The following ALPP variants were observed in gnomAD, a reference collection of about 807,000 sequenced individuals.
ALPP encodes alkaline phosphatase, placental, also known as alkaline phosphatase, placental type.
In ALPP, 39 loss-of-function variants were observed where a neutral mutation model predicts 50.7. That is an observed-to-expected ratio of 0.77 (90% confidence interval 0.60 to 1.00). ALPP has a LOEUF of 1.00. ALPP is among the 50% of genes least tolerant of loss of function. The pLI is 0.00. For synonymous variants in ALPP, 226 were observed against 320.3 expected (o/e 0.71, Z 3.14); for missense variants, 550 against 746.8 (o/e 0.74, Z 3.07).
rs1415876684 is a variant in ALPP, at chr2:232,380,433, T to G, written c.806T>G (p.Val269Gly). ...CCCTCCCCACAGGGTGCCCGGTATG[T>G]GTGGAACCGCACTGAGCTCATGCAG... is the stretch of plus-strand genomic sequence containing the variant. ...WLAKRQGARY[V>G]WNRTELMQAS... The change falls in exon 7 of 11, where the codon GTG becomes GGG. Residue 269 changes from valine to glycine, a missense_variant. This residue lies in a region of ALPP where 376 missense variants were observed against 388.5 expected (regional missense o/e 0.97). Coordinates refer to ENST00000392027, the MANE Select transcript of ALPP (RefSeq NM_001632.5). The G allele has an allele frequency of 1.2e-6, 2 of 1,613,734 alleles. No individual in the cohort carries two copies. The highest frequency in any genetic ancestry group is 2.7e-5 in the African/African-American group (2 of 74,870).
chr2:232,378,944 C>A, intron 1 of ALPP, 27 bp from the exon 2 acceptor site: 5 of 1,614,116 alleles, frequency 3.1e-6, no homozygotes, highest in Non-Finnish European at 4.2e-6. Flanking sequence ...CCCAGGCTGA[C>A]CTGATTTTTG....
intron 2 of ALPP, 44 bp downstream of exon 2, chr2:232,379,131 G>T: frequency 6.2e-7 from 1 of 1,614,024 alleles, no homozygotes; most frequent in Non-Finnish European, 8.5e-7. Flanking sequence ...TCACAGCCCC[G>T]GCGCCCGGAC....
chr2:232,381,633 C>A lies in ALPP; in HGVS notation c.1446C>A (p.His482Gln), dbSNP rs748655336. 1 of 1,612,262 alleles carries A rather than the reference C, an allele frequency of 6.2e-7. No homozygotes were observed. Among genetic ancestry groups the A allele is most frequent in the Non-Finnish European group, 8.5e-7 (1 of 1,179,498 alleles). Residue 482 changes from histidine to glutamine, a missense_variant, in exon 11 of 11, where the codon CAC becomes CAA. This residue lies in a region of ALPP where 155 missense variants were observed against 167.6 expected (regional missense o/e 0.92). Transcript: ENST00000392027. Reference protein sequence around the residue: ...HGVQEQTFIAHVMAFAACLEP... With the variant: ...HGVQEQTFIAQVMAFAACLEP... Reference sequence around the variant, plus strand: ...TGCAGGAGCAGACCTTCATAGCGCACGTCATGGCCTTCGCCGCCTGCCTGG... The same window carrying A: ...TGCAGGAGCAGACCTTCATAGCGCAAGTCATGGCCTTCGCCGCCTGCCTGG...
Position 232,379,863 on chromosome 2 carries a change from A to T in ALPP, c.584A>T (p.Asp195Val), listed in dbSNP as rs763638115. Residue 195 changes from aspartate to valine, a missense_variant, in exon 5 of 11, where the codon GAC (aspartate) becomes GTC (valine). Physicochemically the swap from Asp to Val is radical, Grantham distance 152. Coordinates refer to ENST00000392027, the MANE Select transcript of ALPP (RefSeq NM_001632.5). Reference protein sequence around the residue: ...TVNRNWYSDADVPASARQEGC... With the variant: ...TVNRNWYSDAVVPASARQEGC... Reference sequence around the variant, plus strand: ...AACCGCAACTGGTACTCGGACGCCGACGTGCCTGCCTCCGCCCGCCAGGAG... The same window carrying T: ...AACCGCAACTGGTACTCGGACGCCGTCGTGCCTGCCTCCGCCCGCCAGGAG... 1.2e-6 allele frequency: 2 copies of T among 1,613,422 alleles called. No individual in the cohort carries two copies. Among genetic ancestry groups the T allele is most frequent in the South Asian group, 1.1e-5 (1 of 91,038 alleles).
Position 232,379,298 on chromosome 2 carries a change from T to A in ALPP, c.292T>A (p.Tyr98Asn). ...ACCCCTGGCCATGGACCGCTTCCCATATGTGGCTCTGTCCAAGGTAAGTGC... is the reference window on the plus strand; with the variant it reads ...ACCCCTGGCCATGGACCGCTTCCCAAATGTGGCTCTGTCCAAGGTAAGTGC... The part of the protein sequence containing the change: ...EIPLAMDRFP[Y>N]VALSKTYNVD... The change falls in exon 3 of 11, where the codon TAT becomes AAT. Residue 98 changes from tyrosine (Y) to asparagine (N), a missense_variant. Tyr to Asn is a moderately radical substitution (Grantham distance 143). Around this residue, in one of 5 missense-constraint regions of ALPP, gnomAD observed 376 missense variants for 388.5 expected, o/e 0.97. Coordinates refer to ENST00000392027, the MANE Select transcript of ALPP (RefSeq NM_001632.5). 6.2e-7 allele frequency: 1 copy of A among 1,614,012 alleles called. No homozygotes were observed. The highest frequency in any genetic ancestry group is 1.6e-4 in the Middle Eastern group (1 of 6,062).
chr2:232,378,778 G>A lies in ALPP; in HGVS notation c.-25G>A, dbSNP rs1203468568. On this transcript the variant is annotated 5_prime_UTR_variant, in exon 1 of 11. Transcript: ENST00000392027. ...ACTCCATGCCCAGAATTCCTGCCTCGCCACTGTCCTGCTGCCCTCCAGACA... is the reference window on the plus strand; with the variant it reads ...ACTCCATGCCCAGAATTCCTGCCTCACCACTGTCCTGCTGCCCTCCAGACA... The A allele has an allele frequency of 1.1e-5, 18 of 1,609,842 alleles. No individual in the cohort carries two copies. The highest frequency in any genetic ancestry group is 5.5e-5 in the South Asian group (5 of 90,596).
intron 5 of ALPP, 98 bp downstream of exon 5, chr2:232,380,034 A>G: frequency 6.4e-7 from 1 of 1,560,768 alleles, no homozygotes; most frequent in South Asian, 1.2e-5. Flanking sequence ...CTGGGCCAGC[A>G]GGGTCTGGAG....
In ALPP at chr2:232,379,246, G is replaced by A. The variant is rs141777935; in HGVS notation, c.240G>A (p.Gln80=). 1.9e-6 allele frequency: 3 copies of A among 1,614,082 alleles called. No homozygotes were observed. The highest frequency in any genetic ancestry group is 1.7e-5 in the Admixed American group (1 of 60,022). The part of the protein sequence containing the change: ...TVTAARILKG[Q]KKDKLGPEIP... ...CAGCTGCCAGGATCCTAAAAGGGCA[G>A]AAGAAGGACAAACTGGGGCCTGAGA... The change falls in exon 3 of 11, where the codon CAG becomes CAA. Residue 80 remains glutamine (Q), a synonymous_variant. Transcript: ENST00000392027.
In ALPP at chr2:232,379,018, C is replaced by A. The variant is rs1190973334; in HGVS notation, c.124C>A (p.Leu42Met). ...CTGGAACCGCGAGGCAGCCGAGGCC[C>A]TGGGTGCCGCCAAGAAGCTGCAGCC... ...DFWNREAAEA[L>M]GAAKKLQPAQ... The change falls in exon 2 of 11, where the codon CTG becomes ATG. Residue 42 changes from leucine (L) to methionine (M), a missense_variant. Physicochemically the swap from Leu to Met is conservative, Grantham distance 15 (BLOSUM62 2). Coordinates refer to ENST00000392027, the MANE Select transcript of ALPP (RefSeq NM_001632.5). 1 of 1,614,144 alleles carries A rather than the reference C, an allele frequency of 6.2e-7. No individual in the cohort carries two copies. Among genetic ancestry groups the A allele is most frequent in the African/African-American group, 1.3e-5 (1 of 75,046 alleles).
intron 2 of ALPP, 54 bp downstream of exon 2, chr2:232,379,141 C>T: frequency 1.2e-6 from 2 of 1,614,062 alleles, no homozygotes; most frequent in Non-Finnish European, 1.7e-6. Context: ...GGCGCCCGGA[C>T]CCTCAGTGGT....
chr2:232,381,670 G>A lies in ALPP; in HGVS notation c.1483G>A (p.Ala495Thr). 1 of 1,609,838 alleles carries A rather than the reference G, an allele frequency of 6.2e-7. No homozygotes were observed. ...CGCCGCCTGCCTGGAGCCCTACACC[G>A]CCTGCGACCTGGCGCCCCCCGCCGG... ...AFAACLEPYT[A>T]CDLAPPAGTT... The change falls in exon 11 of 11, where the codon GCC (alanine) becomes ACC (threonine). Residue 495 changes from alanine to threonine, a missense_variant. Transcript: ENST00000392027.
intron 6 of ALPP, 21 bp from the exon 7 acceptor site, chr2:232,380,399 T>A: frequency 1.2e-6 from 2 of 1,613,280 alleles, no homozygotes; most frequent in Non-Finnish European, 1.7e-6. Flanking sequence ...GGCTGAGGCC[T>A]GGCTCTCTCC....
Position 232,378,963 on chromosome 2 carries a change from C to T in ALPP, c.77-8C>T. On this transcript the variant is annotated splice_region_variant and splice_polypyrimidine_tract_variant and intron_variant, in intron 1 of 10. Coordinates refer to ENST00000392027, the MANE Select transcript of ALPP (RefSeq NM_001632.5). ...GGCTGACCTGATTTTTGCTCTCCCC[C>T]TGGCCAGTTGAGGAGGAGAACCCGG... 1.2e-6 allele frequency: 2 copies of T among 1,614,134 alleles called. No individual in the cohort carries two copies. The highest frequency in any genetic ancestry group is 1.7e-6 in the Non-Finnish European group (2 of 1,180,042).
Position 232,379,071 on chromosome 2 carries a change from C to G in ALPP, c.177C>G (p.Ile59Met). 6.2e-7 allele frequency: 1 copy of G among 1,614,126 alleles called. No homozygotes were observed. Among genetic ancestry groups the G allele is most frequent in the Non-Finnish European group, 8.5e-7 (1 of 1,180,026 alleles). ...CACAGACAGCCGCCAAGAACCTCAT[C>G]ATCTTCCTGGGCGATGGTGAGTGAG... ...QPAQTAAKNL[I>M]IFLGDGMGVS... The change falls in exon 2 of 11, where the codon ATC (isoleucine) becomes ATG (methionine). Residue 59 changes from isoleucine (I) to methionine (M), a missense_variant. Ile to Met is a conservative substitution (Grantham distance 10). Around this residue, in one of 5 missense-constraint regions of ALPP, gnomAD observed 376 missense variants for 388.5 expected, o/e 0.97. Transcript: ENST00000392027.
rs1295801268 is a variant in ALPP at position 232,382,465 on chromosome 2, T to A, written c.*670T>A. ...CGAGGAGCTCCTGGGAAGCCCTGGG[T>A]GCAGGACACTGGTCGAGAGCCAAAG... On this transcript the variant is annotated 3_prime_UTR_variant, in exon 11 of 11. Coordinates refer to ENST00000392027, the MANE Select transcript of ALPP (RefSeq NM_001632.5). 1 of 152,774 alleles carries A rather than the reference T, an allele frequency of 6.5e-6. No homozygotes were observed. Among genetic ancestry groups the A allele is most frequent in the Non-Finnish European group, 1.5e-5 (1 of 68,556 alleles). 9.5% of individuals were successfully genotyped at this position (152,774 alleles called of 1,614,324 possible). A position where few individuals can be genotyped will look rare whatever the true frequency, so the allele number is the denominator to read the frequency against.
Position 232,379,615 on chromosome 2 carries a change from G to C in ALPP, c.412G>C (p.Ala138Pro). 3.1e-6 allele frequency: 5 copies of C among 1,613,884 alleles called. No individual in the cohort carries two copies. The highest frequency in any genetic ancestry group is 4.2e-6 in the Non-Finnish European group (5 of 1,179,964). Residue 138 changes from alanine to proline, a missense_variant, in exon 4 of 11, where the codon GCC becomes CCC. Ala to Pro is a conservative substitution (Grantham distance 27). Transcript: ENST00000392027. ...CCAGACCATTGGCTTGAGTGCAGCC[G>C]CCCGCTTTAACCAGTGCAACACGAC... ...NFQTIGLSAA[A>P]RFNQCNTTRG...
chr2:232,381,386 C>T lies in ALPP; in HGVS notation c.1309+19C>T. On this transcript the variant is annotated intron_variant, in intron 10 of 10. Transcript: ENST00000392027. ...GAGAGCGGTGAGTGCCGCGGGGTGGCCCCCTGAGGGGGACCAGGGTGCCAA... is the reference window on the plus strand; with the variant it reads ...GAGAGCGGTGAGTGCCGCGGGGTGGTCCCCTGAGGGGGACCAGGGTGCCAA... 2.5e-6 allele frequency: 4 copies of T among 1,602,904 alleles called. No individual in the cohort carries two copies. The highest frequency in any genetic ancestry group is 1.1e-5 in the South Asian group (1 of 90,580).
Position 232,381,893 on chromosome 2 carries a change from C to A in ALPP, c.*98C>A, listed in dbSNP as rs541274460. 2 of 1,477,036 alleles carry A rather than the reference C, an allele frequency of 1.4e-6. No individual in the cohort carries two copies. The highest frequency in any genetic ancestry group is 1.4e-5 in the African/African-American group (1 of 71,778). 91.5% of individuals were successfully genotyped at this position (1,477,036 alleles called of 1,614,324 possible). A position where few individuals can be genotyped will look rare whatever the true frequency, so the allele number is the denominator to read the frequency against. Reference sequence around the variant, plus strand: ...GGCCTCCAGCCCGAGTCGTCATCCCCGGAGTCCCTATACAGAGGTCCTGCC... The same window carrying A: ...GGCCTCCAGCCCGAGTCGTCATCCCAGGAGTCCCTATACAGAGGTCCTGCC... On this transcript the variant is annotated 3_prime_UTR_variant, in exon 11 of 11. Coordinates refer to ENST00000392027, the MANE Select transcript of ALPP (RefSeq NM_001632.5).
At position 232,380,400 on chromosome 2, in the gene ALPP, G is replaced by C; in HGVS notation, c.793-20G>C. ...GGCTCAGGGCTGTGGGCTGAGGCCT[G>C]GCTCTCTCCCTCCCCACAGGGTGCC... On this transcript the variant is annotated intron_variant, in intron 6 of 10. Coordinates refer to ENST00000392027, the MANE Select transcript of ALPP (RefSeq NM_001632.5). 1 of 1,613,548 alleles carries C rather than the reference G, an allele frequency of 6.2e-7. No homozygotes were observed. Among genetic ancestry groups the C allele is most frequent in the Non-Finnish European group, 8.5e-7 (1 of 1,179,872 alleles).
Sources: allele counts gnomAD v4.1 joint callset, GRCh38; gene constraint gnomAD v4.1.1; regional missense constraint gnomAD v4.1.1; transcripts MANE v1.5; gene names NCBI Gene and HGNC (gene_info 2026-07-23, HGNC 2026-07-21).